The following TMEM232 variants were observed in gnomAD, a reference collection of about 807,000 sequenced individuals.
The protein encoded by TMEM232 is transmembrane protein 232.
In TMEM232, 80 loss-of-function variants were observed where a neutral mutation model predicts 78.8. The observed-to-expected ratio is 1.01, with a 90% CI of 0.85 to 1.22. TMEM232 has a LOEUF of 1.22. Among genes scored for constraint, TMEM232 ranks in the 50% most tolerant of loss-of-function variants. The pLI, the probability that TMEM232 is intolerant of heterozygous loss-of-function variation, is 0.00. For missense variants in TMEM232, 881 were observed against 742.2 expected (o/e 1.19, Z -2.17); for synonymous variants, 297 against 254.3 (o/e 1.17, Z -1.60).
chr5:110,405,325 A>C (rs768537528), intron 2 of TMEM232, among the ~76,000 whole-genome samples: 3 of 152,060 alleles, frequency 2.0e-5, no homozygotes, highest in Admixed American at 6.6e-5. Context: ...AAAGAACCAA[A>C]ACAAATTAAA....
At chr5:110,399,110 T>C (rs539993297) in intron 2 of TMEM232, among the ~76,000 whole-genome samples, 1 of 152,018 alleles carries the variant, frequency 6.6e-6, no homozygotes, top group African/African-American at 2.4e-5. Flanking sequence ...CGAAGAACCC[T>C]GAATGACACA....
chr5:110,738,906 G>C (rs1005330673), upstream of TMEM232: 2 of 1,308,762 alleles, frequency 1.5e-6, no homozygotes, highest in African/African-American at 1.5e-5. Flanking sequence ...CCAGGTTACC[G>C]CCGCGTCTCC....
At chr5:110,512,082 C>T (rs1404227990) in intron 12 of TMEM232, among the ~76,000 whole-genome samples, 1 of 152,112 alleles carries the variant, frequency 6.6e-6, no homozygotes, top group African/African-American at 2.4e-5. Context: ...TAGTTCTCCT[C>T]CATCATACTC....
intron 2 of TMEM232, among the ~76,000 whole-genome samples, chr5:110,649,058 T>C (rs1192523734): frequency 6.6e-6 from 1 of 152,092 alleles, no homozygotes; most frequent in Non-Finnish European, 1.5e-5. Context: ...TTAGTCTGTC[T>C]AGTTGAGCTT....
chr5:110,475,949 G>C (rs1406797113), intron 12 of TMEM232, among the ~76,000 whole-genome samples: 1 of 151,930 alleles, frequency 6.6e-6, no homozygotes, highest in Non-Finnish European at 1.5e-5. Context: ...TCAGTAATGG[G>C]ACAAAAGAAT....
At chr5:110,413,135 A>T (rs371248050) in intron 2 of TMEM232, among the ~76,000 whole-genome samples, 2 of 152,056 alleles carry the variant, frequency 1.3e-5, no homozygotes, top group Admixed American at 6.5e-5. Context: ...CCCACCCTCA[A>T]TGTGGGTGGG....
intron 8 of TMEM232, among the ~76,000 whole-genome samples, chr5:110,611,146 T>C (rs1034387449): frequency 6.6e-6 from 1 of 152,180 alleles, no homozygotes; most frequent in African/African-American, 2.4e-5. Context: ...TACTTAACTA[T>C]AATGTTATCA....
chr5:110,613,905 G>A (rs1449544596), intron 8 of TMEM232, among the ~76,000 whole-genome samples: 2 of 151,660 alleles, frequency 1.3e-5, no homozygotes, highest in Admixed American at 1.3e-4. Flanking sequence ...AAAATATTTG[G>A]TATAATGTTA....
chr5:110,472,432 C>T (rs1762786738), intron 12 of TMEM232, among the ~76,000 whole-genome samples: 1 of 151,800 alleles, frequency 6.6e-6, no homozygotes, highest in South Asian at 2.1e-4. Context: ...TGTGTATATG[C>T]AGTGGAAGAA....
At chr5:110,592,373 T>C (rs1779634241) in intron 10 of TMEM232, among the ~76,000 whole-genome samples, 2 of 152,144 alleles carry the variant, frequency 1.3e-5, no homozygotes, top group Admixed American at 6.6e-5. Context: ...TTGGTAAGAA[T>C]TGAGCATTTC....
At chr5:110,637,419 G>A (rs903818489) in intron 5 of TMEM232, among the ~76,000 whole-genome samples, 1 of 151,732 alleles carries the variant, frequency 6.6e-6, no homozygotes, top group Admixed American at 6.6e-5. Flanking sequence ...TGACTGAAAT[G>A]TGGTTGTCTC....
At chr5:110,633,854 T>TAATGTA (rs1365306203) in intron 5 of TMEM232, among the ~76,000 whole-genome samples, 1 of 152,156 alleles carries the variant, frequency 6.6e-6, no homozygotes, top group Non-Finnish European at 1.5e-5. Context: ...ATATCAATAA[T>TAATGTA]AATGTAAATG....
At chr5:110,524,939 CTAATG>C (rs1358626138) in intron 12 of TMEM232, among the ~76,000 whole-genome samples, 2 of 151,970 alleles carry the variant, frequency 1.3e-5, no homozygotes, top group African/African-American at 4.8e-5. Flanking sequence ...TCTATTTTAT[CTAATG>C]TAAGTATAGC....
intron 1 of TMEM232, among the ~76,000 whole-genome samples, chr5:110,716,962 T>C (rs150286138): frequency 4.8e-4 from 73 of 152,246 alleles, no homozygotes; most frequent in Non-Finnish European, 7.2e-4. Context: ...GTATGAAGTA[T>C]ACAGCAATTT....
intron 10 of TMEM232, among the ~76,000 whole-genome samples, chr5:110,586,092 T>C (rs1778786737): frequency 1.3e-5 from 2 of 152,250 alleles, no homozygotes; most frequent in East Asian, 1.9e-4. Context: ...AGATTTAAAA[T>C]TGGTCCATTT....
chr5:110,454,079 CCT>C (rs1221588178), intron 12 of TMEM232, among the ~76,000 whole-genome samples: 4 of 152,088 alleles, frequency 2.6e-5, no homozygotes, highest in Non-Finnish European at 4.4e-5. Context: ...GTTCAACAAT[CCT>C]CTCTTGGCAA....
At chr5:110,727,809 AG>A (rs1423158243), upstream of TMEM232, among the ~76,000 whole-genome samples, 3 of 152,196 alleles carry the variant, frequency 2.0e-5, no homozygotes, top group Non-Finnish European at 4.4e-5. Context: ...TATCACTCCT[AG>A]AAGATCAGTA....
rs150281920 is a variant in TMEM232 at position 110,713,930 on chromosome 5, G to A, written c.-13+12697C>T. 5.3e-3 allele frequency among the ~76,000 whole-genome samples: 808 copies of A among 152,316 alleles called. 1 individual carries two copies. The highest frequency in any genetic ancestry group is 9.1e-3 in the Non-Finnish European group (617 of 68,030). On this transcript the variant is annotated intron_variant, in intron 1 of 13. Transcript: ENST00000455884. ...ATCACCAGCCTCTCTTAGTTGGCTG[G>A]TTCCAGGTGGTTGGTGGGTTGGCAT... is the stretch of plus-strand genomic sequence containing the variant.
intron 12 of TMEM232, among the ~76,000 whole-genome samples, chr5:110,509,929 C>G (rs1580999418): frequency 6.6e-6 from 1 of 152,268 alleles, no homozygotes; most frequent in Admixed American, 6.5e-5. Context: ...TTATCACAAT[C>G]TTTTATAAAT....
Sources: gnomAD v4.1 joint callset for allele counts (sites outside exome capture counted in the v4.1 genomes callset) on GRCh38, gnomAD v4.1.1 for gene constraint, MANE v1.5 for transcripts, NCBI Gene and HGNC (gene_info 2026-07-23, HGNC 2026-07-21) for gene names.